CWF19L2: variants seen among roughly 807,000 people sequenced by gnomAD.
CWF19L2 encodes the protein CWF19-like protein 2.
CWF19L2 carries 98 observed loss-of-function variants against 111.7 expected under a neutral mutation model. The observed-to-expected ratio is 0.88, with a 90% CI of 0.75 to 1.04. The LOEUF (loss-of-function observed/expected upper bound fraction) is 1.04. Among genes scored for constraint, CWF19L2 ranks in the 50% least tolerant of loss-of-function variants. The pLI, the probability that CWF19L2 is intolerant of heterozygous loss-of-function variation, is 0.00. For missense variants in CWF19L2, 1,101 were observed against 1,051.4 expected, an observed-to-expected ratio of 1.05 and a Z score of -0.65; for synonymous variants, 351 against 342.9, an observed-to-expected ratio of 1.02 and a Z score of -0.26.
At chr11:107,435,137 C>G (rs889592628) in intron 6 of CWF19L2, among the ~76,000 whole-genome samples, 1 of 152,110 alleles carries the variant, frequency 6.6e-6, no homozygotes, top group South Asian at 2.1e-4. Context: ...AAAAGTTTAT[C>G]TTTACTAAGC....
intron 10 of CWF19L2, among the ~76,000 whole-genome samples, chr11:107,399,472 CAA>C (rs1860970234): frequency 6.6e-6 from 1 of 152,108 alleles, no homozygotes; most frequent in Non-Finnish European, 1.5e-5. Context: ...TTAAAAGAGA[CAA>C]AGAGGGACAG....
At chr11:107,417,641 G>A (rs944697937) in intron 9 of CWF19L2, among the ~76,000 whole-genome samples, 6 of 151,944 alleles carry the variant, frequency 3.9e-5, no homozygotes, top group African/African-American at 9.7e-5. Context: ...AAATAGCCAA[G>A]TAAAAAAGAA....
intron 8 of CWF19L2, among the ~76,000 whole-genome samples, chr11:107,422,547 T>C (rs182682406): frequency 6.6e-6 from 1 of 152,170 alleles, no homozygotes; most frequent in African/African-American, 2.4e-5. Context: ...TACACTTTTG[T>C]ATATTTGCAG....
chr11:107,434,686 A>AG (rs921618310), intron 6 of CWF19L2, among the ~76,000 whole-genome samples: 14 of 138,504 alleles, frequency 1.0e-4, no homozygotes, highest in Admixed American at 3.5e-4. Context: ...AAAAAAAAAA[A>AG]AAAGAAAAAA....
intron 12 of CWF19L2, among the ~76,000 whole-genome samples, chr11:107,366,899 A>C (rs2134565636): frequency 1.5e-5 from 1 of 68,660 alleles, no homozygotes; most frequent in South Asian, 5.0e-4. Flanking sequence ...AACCTACAAA[A>C]TGGGAGAAAA....
At chr11:107,372,086 G>C (rs1860518767) in intron 12 of CWF19L2, among the ~76,000 whole-genome samples, 1 of 134,952 alleles carries the variant, frequency 7.4e-6, no homozygotes, top group South Asian at 2.6e-4. Flanking sequence ...CCAAATATGA[G>C]ACTCCAGAAA....
chr11:107,402,533 C>T (rs568179746), intron 10 of CWF19L2, among the ~76,000 whole-genome samples: 8 of 152,114 alleles, frequency 5.3e-5, no homozygotes, highest in African/African-American at 1.7e-4. Context: ...CAATGCAATA[C>T]CACTTTACTC....
intron 9 of CWF19L2, among the ~76,000 whole-genome samples, chr11:107,417,773 T>C (rs77515085): frequency 7.3e-6 from 1 of 136,518 alleles, no homozygotes; most frequent in East Asian, 2.1e-4. Flanking sequence ...TTTTTTTTTT[T>C]TGAGACACAG....
At chr11:107,413,998 G>A (rs2135396026) in intron 10 of CWF19L2, among the ~76,000 whole-genome samples, 2 of 152,216 alleles carry the variant, frequency 1.3e-5, no homozygotes, top group South Asian at 2.1e-4. Context: ...GTAAAAACAA[G>A]TACTTTTGTG....
chr11:107,338,151 C>T (rs956757213), intron 14 of CWF19L2, among the ~76,000 whole-genome samples: 1 of 152,092 alleles, frequency 6.6e-6, no homozygotes, highest in Admixed American at 6.5e-5. Context: ...CACACTACAA[C>T]CTCGTCGTAC....
intron 8 of CWF19L2, among the ~76,000 whole-genome samples, chr11:107,420,778 A>C (rs1183908816): frequency 6.6e-6 from 1 of 152,150 alleles, no homozygotes; most frequent in Non-Finnish European, 1.5e-5. Flanking sequence ...ACTGTAATAA[A>C]AGTTATGTGA....
At chr11:107,386,754 C>T (rs1860772322) in intron 12 of CWF19L2, among the ~76,000 whole-genome samples, 1 of 152,084 alleles carries the variant, frequency 6.6e-6, no homozygotes, top group African/African-American at 2.4e-5. Flanking sequence ...GCTTTAAATA[C>T]TATTTAAATG....
At chr11:107,332,979 G>A (rs985118613) in intron 16 of CWF19L2, among the ~76,000 whole-genome samples, 3 of 151,946 alleles carry the variant, frequency 2.0e-5, no homozygotes, top group Non-Finnish European at 2.9e-5. Context: ...TTAGCCTGGC[G>A]TGGTGGTGCG....
chr11:107,414,620 A>C (rs1215692119), intron 10 of CWF19L2, among the ~76,000 whole-genome samples: 1 of 152,040 alleles, frequency 6.6e-6, no homozygotes, highest in Admixed American at 6.6e-5. Flanking sequence ...CCAAACTCTC[A>C]ATATATCCAA....
intron 12 of CWF19L2, among the ~76,000 whole-genome samples, chr11:107,384,870 G>A (rs928855127): frequency 6.6e-6 from 1 of 152,082 alleles, no homozygotes; most frequent in African/African-American, 2.4e-5. Context: ...AACCTCTAAT[G>A]ACTTTAAACT....
intron 15 of CWF19L2, among the ~76,000 whole-genome samples, chr11:107,335,292 T>C (rs10890720): frequency 0.24 from 36,207 of 152,084 alleles, 4,634 homozygotes; most frequent in Non-Finnish European, 0.29. Flanking sequence ...ACTGCATTCA[T>C]AGAGATTACT....
chr11:107,372,321 T>A (rs1249757007), intron 12 of CWF19L2, among the ~76,000 whole-genome samples: 1 of 134,990 alleles, frequency 7.4e-6, no homozygotes, highest in East Asian at 2.1e-4. Flanking sequence ...AAGATGAGAT[T>A]TGTATGAATA....
intron 10 of CWF19L2, among the ~76,000 whole-genome samples, chr11:107,415,248 C>CA (rs747315662): frequency 2.8e-4 from 43 of 152,254 alleles, no homozygotes; most frequent in Non-Finnish European, 5.7e-4. Context: ...GCTCTTCACT[C>CA]AAATACACAG....
chr11:107,351,678 C>A (rs1315167064), intron 13 of CWF19L2, among the ~76,000 whole-genome samples: 1 of 152,152 alleles, frequency 6.6e-6, no homozygotes, highest in African/African-American at 2.4e-5. Flanking sequence ...ACTCCATATA[C>A]TGAAACCCTT....
Sources: allele counts gnomAD v4.1 joint callset (sites outside exome capture counted in the v4.1 genomes callset), GRCh38; gene constraint gnomAD v4.1.1; transcripts MANE v1.5; gene names NCBI Gene and HGNC (gene_info 2026-07-23, HGNC 2026-07-21).